Variants in CCDC91 observed in about 807,000 individuals in gnomAD.
CCDC91 encodes the protein coiled-coil domain-containing protein 91.
Under a neutral mutation model 63.2 loss-of-function variants are expected in CCDC91, and 48 were observed. The ratio of observed to expected loss-of-function variants is 0.76; its 90% CI spans 0.60 to 0.97. CCDC91 has a LOEUF of 0.97. CCDC91 is among the 50% of genes least tolerant of loss of function. CCDC91 has a pLI of 0.00. For missense variants in CCDC91, 500 were observed against 494.6 expected (o/e 1.01, Z -0.10); for synonymous variants, 167 against 165.8 (o/e 1.01, Z -0.06).
chr12:28,514,660 T>C (rs1939740104), intron 12 of CCDC91, among the ~76,000 whole-genome samples: 1 of 151,990 alleles, frequency 6.6e-6, no homozygotes. Flanking sequence ...GAGTTGATTT[T>C]TGTATATGGC....
intron 3 of CCDC91, among the ~76,000 whole-genome samples, chr12:28,278,162 CATTA>C (rs1948369833): frequency 6.6e-6 from 1 of 151,994 alleles, no homozygotes; most frequent in Non-Finnish European, 1.5e-5. Flanking sequence ...TGTTCTTTTT[CATTA>C]ATTACTGTTT....
At chr12:28,503,513 G>A (rs1244668165) in intron 12 of CCDC91, among the ~76,000 whole-genome samples, 1 of 152,158 alleles carries the variant, frequency 6.6e-6, no homozygotes, top group Non-Finnish European at 1.5e-5. Flanking sequence ...CAACCATTGT[G>A]GAAGTGAGTG....
chr12:28,467,230 A>G (rs1185246210), intron 11 of CCDC91, among the ~76,000 whole-genome samples: 2 of 152,096 alleles, frequency 1.3e-5, no homozygotes, highest in African/African-American at 2.4e-5. Flanking sequence ...AACACACTTT[A>G]TGTATAAAGT....
intron 12 of CCDC91, among the ~76,000 whole-genome samples, chr12:28,491,499 G>A (rs1235023505): frequency 6.6e-6 from 1 of 151,690 alleles, no homozygotes; most frequent in East Asian, 1.9e-4. Context: ...AAGACCAAAT[G>A]CATTATGGTG....
intron 1 of CCDC91, among the ~76,000 whole-genome samples, chr12:28,201,504 T>G: frequency 8.3e-6 from 1 of 120,660 alleles, no homozygotes; most frequent in Admixed American, 7.9e-5. Flanking sequence ...ACTTCCTAGA[T>G]GGGATGGCGG....
intron 6 of CCDC91, among the ~76,000 whole-genome samples, chr12:28,359,782 C>CTTTCTTTTTTTTTTTTTTTTT (rs1565853546): frequency 5.3e-5 from 8 of 151,964 alleles, no homozygotes; most frequent in African/African-American, 1.9e-4. Context: ...CAGAATATTT[C>CTTTCTTTTTTTTTTTTTTTTT]TATTTACTTT....
At chr12:28,452,437 G>GCAGT (rs56686777) in intron 10 of CCDC91, 41 bp from the exon 11 acceptor site, 366,993 of 1,268,566 alleles carry the variant, frequency 0.29, 57,367 homozygotes, top group African/African-American at 0.4. Context: ...AAATTATTAT[G>GCAGT]CAGTCTTTCA....
rs1179509873 is a variant in CCDC91 at position 28,390,778 on chromosome 12, T to C, written c.655-526T>C. On this transcript the variant is annotated intron_variant, in intron 7 of 12. Transcript: ENST00000536442. ...GTGAACTTCCTGGGGGGCAGTTCTT[T>C]AATGTTTGAAGTTGCTCAGAGTTTC... is the stretch of plus-strand genomic sequence containing the variant. 2.6e-5 allele frequency among the ~76,000 whole-genome samples: 4 copies of C among 152,146 alleles called. 1 individual carries two copies. Among genetic ancestry groups the C allele is most frequent in the Non-Finnish European group, 1.5e-5 (1 of 68,012 alleles).
intron 1 of CCDC91, among the ~76,000 whole-genome samples, chr12:28,231,710 A>G (rs1285183407): frequency 2.6e-5 from 4 of 152,162 alleles, no homozygotes. Flanking sequence ...TTAAGAAAGG[A>G]ATATTGTAGT....
chr12:28,200,580 T>G (rs1351514963), intron 1 of CCDC91, among the ~76,000 whole-genome samples: 5 of 149,050 alleles, frequency 3.4e-5, no homozygotes, highest in Non-Finnish European at 7.5e-5. Flanking sequence ...AGCACATGAT[T>G]CAGAGAGCAC....
intron 8 of CCDC91, among the ~76,000 whole-genome samples, chr12:28,420,606 AG>A (rs1947944185): frequency 6.6e-6 from 1 of 152,120 alleles, no homozygotes; most frequent in East Asian, 1.9e-4. Flanking sequence ...AGGTAAAGGA[AG>A]AAGAAGAAGA....
chr12:28,201,027 T>A (rs56095983), intron 1 of CCDC91, among the ~76,000 whole-genome samples: 8 of 113,092 alleles, frequency 7.1e-5, no homozygotes, highest in Non-Finnish European at 1.3e-4. Flanking sequence ...CCCTCCCGGA[T>A]GGGGCGGCTG....
At chr12:28,497,206 CAATT>C (rs1292110422) in intron 12 of CCDC91, among the ~76,000 whole-genome samples, 2 of 151,288 alleles carry the variant, frequency 1.3e-5, no homozygotes, top group Non-Finnish European at 3.0e-5. Flanking sequence ...TCCCTCTAAT[CAATT>C]AATCTGTTTC....
intron 8 of CCDC91, among the ~76,000 whole-genome samples, chr12:28,410,741 C>G (rs1947266584): frequency 6.6e-6 from 1 of 152,200 alleles, no homozygotes; most frequent in South Asian, 2.1e-4. Flanking sequence ...GGGCTGGTCT[C>G]AAACTCCTGA....
chr12:28,419,323 A>G (rs1335138443), intron 8 of CCDC91, among the ~76,000 whole-genome samples: 2 of 152,194 alleles, frequency 1.3e-5, no homozygotes, highest in Non-Finnish European at 2.9e-5. Context: ...AGTCAGGCCA[A>G]CTAGTAAAAC....
chr12:28,317,621 A>G (rs1314833616), intron 6 of CCDC91, among the ~76,000 whole-genome samples: 3 of 151,956 alleles, frequency 2.0e-5, no homozygotes, highest in Non-Finnish European at 4.4e-5. Flanking sequence ...TTTATAGAAA[A>G]TTGATCATAC....
intron 8 of CCDC91, among the ~76,000 whole-genome samples, chr12:28,406,752 A>G (rs1175700609): frequency 1.5e-5 from 2 of 136,284 alleles, no homozygotes; most frequent in Non-Finnish European, 3.4e-5. Flanking sequence ...GTTTTAATTC[A>G]TAGTTTATGA....
intron 11 of CCDC91, among the ~76,000 whole-genome samples, chr12:28,483,001 T>C (rs1951528739): frequency 6.6e-6 from 1 of 152,020 alleles, no homozygotes; most frequent in Admixed American, 6.6e-5. Flanking sequence ...GTTTAGAAAA[T>C]AGTATGTACA....
At chr12:28,461,270 C>A (rs1950298987) in intron 11 of CCDC91, among the ~76,000 whole-genome samples, 1 of 151,914 alleles carries the variant, frequency 6.6e-6, no homozygotes, top group Non-Finnish European at 1.5e-5. Flanking sequence ...ATCGTTTTAT[C>A]CAGGATTGAT....
Sources: allele counts gnomAD v4.1 joint callset (sites outside exome capture counted in the v4.1 genomes callset), GRCh38; gene constraint gnomAD v4.1.1; transcripts MANE v1.5; gene names NCBI Gene and HGNC (gene_info 2026-07-23, HGNC 2026-07-21).